Variants in POLR3C observed in about 807,000 individuals in gnomAD.
POLR3C encodes the protein DNA-directed RNA polymerase III subunit RPC3.
Under a neutral mutation model 65.9 loss-of-function variants are expected in POLR3C, and 44 were observed. The observed-to-expected ratio is 0.67, with a 90% CI of 0.52 to 0.86. POLR3C has a LOEUF of 0.86. Ranked by LOEUF, POLR3C falls within the 40% of genes least tolerant of loss-of-function variation. POLR3C has a pLI of 0.00. For synonymous variants in POLR3C, 263 were observed against 231.6 expected (o/e 1.14, Z -1.23); for missense variants, 576 against 653.2 (o/e 0.88, Z 1.29).
intron 7 of POLR3C, 23 bp downstream of exon 7, chr1:145,833,605 AACTT>A (rs1553727811): frequency 6.9e-7 from 1 of 1,450,474 alleles, no homozygotes; most frequent in Middle Eastern, 1.7e-4. Context: ...TTCTTGCACT[AACTT>A]TCTGACAGAT....
intron 14 of POLR3C, among the ~76,000 whole-genome samples, chr1:145,841,593 A>C (rs993103812): frequency 6.6e-6 from 1 of 152,158 alleles, no homozygotes; most frequent in Non-Finnish European, 1.5e-5. Context: ...GTGGTCGCTT[A>C]TTTCAGTTTT....
intron 4 of POLR3C, among the ~76,000 whole-genome samples, chr1:145,827,576 C>A (rs587660854): frequency 3.3e-5 from 5 of 151,702 alleles, no homozygotes; most frequent in Admixed American, 3.3e-4. Flanking sequence ...TGGCTAATAC[C>A]GGGAAACCCC....
In POLR3C at chr1:145,840,910, T is replaced by A. The variant is rs374177149; in HGVS notation, c.1374-12T>A. On this transcript the variant is annotated splice_polypyrimidine_tract_variant and intron_variant, in intron 13 of 14. Transcript: ENST00000334163. ...TTAGGGAAGATGTCTCAGAGTTGTG[T>A]TTGTTTGACAGGCGTCTACTAGAAA... The A allele has an allele frequency of 1.4e-5, 23 of 1,610,042 alleles. No individual in the cohort carries two copies. Among genetic ancestry groups the A allele is most frequent in the African/African-American group, 2.7e-5 (2 of 74,864 alleles).
chr1:145,837,466 TA>T (rs1651941440), intron 9 of POLR3C, 69 bp from the exon 10 acceptor site: 1 of 729,124 alleles, frequency 1.4e-6, no homozygotes, highest in Admixed American at 2.8e-5. Flanking sequence ...ATTAGAAACT[TA>T]GGAATAAAAC....
At position 145,838,072 on chromosome 1, in the gene POLR3C, G is replaced by C. The variant is rs782707867; in HGVS notation, c.1087G>C (p.Ala363Pro). 6.2e-7 allele frequency: 1 copy of C among 1,614,118 alleles called. No individual in the cohort carries two copies. Among genetic ancestry groups the C allele is most frequent in the South Asian group, 1.1e-5 (1 of 91,080 alleles). ...VVQERFGSRC[A>P]RIFRLVLQKK... ...CCTTTCCAGATTTGGGTCTCGCTGT[G>C]CTAGAATATTCCGTCTAGTTTTGCA... Residue 363 changes from alanine (A) to proline (P), a missense_variant, in exon 11 of 15, where the codon GCT becomes CCT. Ala to Pro is a conservative substitution (Grantham distance 27). Transcript: ENST00000334163.
intron 2 of POLR3C, among the ~76,000 whole-genome samples, chr1:145,826,238 G>A (rs1559140669): frequency 6.6e-6 from 1 of 152,200 alleles, no homozygotes; most frequent in Non-Finnish European, 1.5e-5. Context: ...TGTGTTTTGA[G>A]AGATAAGGAT....
chr1:145,838,852 T>G (rs1652069488), intron 11 of POLR3C, among the ~76,000 whole-genome samples: 1 of 152,214 alleles, frequency 6.6e-6, no homozygotes, highest in Non-Finnish European at 1.5e-5. Flanking sequence ...GGCTATTTAG[T>G]AGAGCATATG....
In POLR3C at chr1:145,825,095, A is replaced by G. The variant is rs898344378; in HGVS notation, c.-20-662A>G. 2.6e-5 allele frequency among the ~76,000 whole-genome samples: 4 copies of G among 151,918 alleles called. No homozygotes were observed. In the East Asian group the frequency reaches 7.7e-4, roughly 29 times the overall value. ...GCTTGCTTCTGTCACTTAATATATT[A>G]TGAGTAATTTTTTTTGTTTTTTTTT... On this transcript the variant is annotated intron_variant, in intron 1 of 14. Transcript: ENST00000334163.
chr1:145,840,045 A>G (rs1350172374), intron 12 of POLR3C, 54 bp downstream of exon 12: 2 of 1,481,600 alleles, frequency 1.3e-6, no homozygotes, highest in Non-Finnish European at 1.9e-6. Context: ...AGTACCCCTC[A>G]TGTGCCCACT....
chr1:145,842,262 C>T (rs1325937937), intron 14 of POLR3C, 77 bp from the exon 15 acceptor site: 25 of 847,818 alleles, frequency 2.9e-5, no homozygotes, highest in Non-Finnish European at 4.0e-5. Context: ...TATCCATGGC[C>T]ACACCCACCC....
At chr1:145,837,464 C>A in intron 9 of POLR3C, 72 bp from the exon 10 acceptor site, 1 of 719,696 alleles carries the variant, frequency 1.4e-6, no homozygotes. Flanking sequence ...AAATTAGAAA[C>A]TTAGGAATAA....
chr1:145,844,235 T>G lies in POLR3C; in HGVS notation c.*1815T>G, dbSNP rs1553731513. Among the ~76,000 whole-genome samples the G allele has an allele frequency of 2.0e-5, 3 of 152,250 alleles. No homozygotes were observed. The highest frequency in any genetic ancestry group is 2.9e-5 in the Non-Finnish European group (2 of 68,050). ...ACTCCCATGTTTATTGCAGCAGTAT[T>G]CACGATAGCCAAAACATGGAATCAA... On this transcript the variant is annotated 3_prime_UTR_variant, in exon 15 of 15. Coordinates refer to ENST00000334163, the MANE Select transcript of POLR3C (RefSeq NM_006468.8).
rs1467925978 is a variant in POLR3C, at chr1:145,844,366, A to G, written c.*1946A>G. Among the ~76,000 whole-genome samples the G allele has an allele frequency of 6.6e-6, 1 of 152,240 alleles. No individual in the cohort carries two copies. Among genetic ancestry groups the G allele is most frequent in the East Asian group, 1.9e-4 (1 of 5,198 alleles). On this transcript the variant is annotated 3_prime_UTR_variant, in exon 15 of 15. Transcript: ENST00000334163. Reference sequence around the variant, plus strand: ...AGCAACATGGATGGAATTGGAGGTCATTATGTTAAGTAAAATAAACCAAGC... The same window carrying G: ...AGCAACATGGATGGAATTGGAGGTCGTTATGTTAAGTAAAATAAACCAAGC...
intron 11 of POLR3C, chr1:145,839,677 G>C (rs902110193): frequency 2.0e-6 from 1 of 489,072 alleles, no homozygotes; most frequent in Admixed American, 3.6e-5. Context: ...GTTGCAGTGA[G>C]CTGATATCAT....
chr1:145,837,441 A>T lies in POLR3C; in HGVS notation c.1010-95A>T, dbSNP rs1651939454. On this transcript the variant is annotated intron_variant, in intron 9 of 14. Transcript: ENST00000334163. ...TAACATGAAAAACAAAATAGCATTT[A>T]AAATTTAATTATAAATTAGAAACTT... The T allele has an allele frequency of 9.8e-6, 6 of 613,302 alleles. No individual in the cohort carries two copies. In the South Asian group the frequency reaches 1.5e-4, roughly 15 times the overall value. The allele number at this position is 613,302 out of a possible 1,614,324, so 38.0% of individuals were successfully genotyped here.
At chr1:145,840,539 C>A in intron 13 of POLR3C, 4 of 227,898 alleles carry the variant, frequency 1.8e-5, no homozygotes, top group Non-Finnish European at 3.4e-5. Context: ...GACTCCATCT[C>A]AAAAAAAAAA....
intron 10 of POLR3C, 152 bp from the exon 11 acceptor site, chr1:145,837,904 C>CA: frequency 1.4e-6 from 1 of 700,106 alleles, no homozygotes; most frequent in Non-Finnish European, 2.4e-6. Context: ...GCCTTACCAT[C>CA]ACCAACCTAT....
At chr1:145,830,956 C>T (rs902661692) in intron 5 of POLR3C, among the ~76,000 whole-genome samples, 1 of 151,124 alleles carries the variant, frequency 6.6e-6, no homozygotes. Context: ...AAAAAAACAC[C>T]AGACCTGGTG....
At chr1:145,840,866 G>A (rs938866455) in intron 13 of POLR3C, 56 bp from the exon 14 acceptor site, 85 of 1,420,116 alleles carry the variant, frequency 6.0e-5, no homozygotes, top group Non-Finnish European at 6.9e-5. Flanking sequence ...AGACACACGT[G>A]GTAAGAGAAT....
Sources: gnomAD v4.1 joint callset for allele counts (sites outside exome capture counted in the v4.1 genomes callset) on GRCh38, gnomAD v4.1.1 for gene constraint, MANE v1.5 for transcripts, NCBI Gene and HGNC (gene_info 2026-07-23, HGNC 2026-07-21) for gene names.